Variants in RPTOR observed in about 807,000 individuals in gnomAD.
The protein encoded by RPTOR is regulatory-associated protein of mTOR.
RPTOR carries 21 observed loss-of-function variants against 169.9 expected under a neutral mutation model. That is an observed-to-expected ratio of 0.12 (90% CI 0.09 to 0.18). RPTOR has a LOEUF of 0.18. Among genes scored for constraint, RPTOR ranks in the 10% least tolerant of loss-of-function variants. RPTOR has a pLI of 1.00. For missense variants in RPTOR, 1,133 were observed against 1,855.9 expected (o/e 0.61, Z 7.16); for synonymous variants, 732 against 753.2 (o/e 0.97, Z 0.46).
intron 1 of RPTOR, among the ~76,000 whole-genome samples, chr17:80,604,708 C>T (rs550277659): frequency 2.0e-5 from 3 of 152,296 alleles, no homozygotes; most frequent in Non-Finnish European, 2.9e-5. Context: ...AGCAAAGTCG[C>T]GTCTCACATG....
At chr17:80,673,639 G>A (rs1422824200) in intron 3 of RPTOR, among the ~76,000 whole-genome samples, 2 of 152,190 alleles carry the variant, frequency 1.3e-5, no homozygotes, top group Admixed American at 6.5e-5. Flanking sequence ...GGTAGCCGGC[G>A]CTTTGATTGT....
At chr17:80,725,821 G>T (rs1326740646) in intron 4 of RPTOR, among the ~76,000 whole-genome samples, 2 of 152,168 alleles carry the variant, frequency 1.3e-5, no homozygotes, top group African/African-American at 4.8e-5. Flanking sequence ...ATTCCCTGAG[G>T]GATACAGACT....
chr17:80,849,422 C>G (rs1310364279), intron 11 of RPTOR, among the ~76,000 whole-genome samples: 1 of 152,184 alleles, frequency 6.6e-6, no homozygotes, highest in Non-Finnish European at 1.5e-5. Flanking sequence ...TTTCCAGCCT[C>G]AATATCCTCT....
At chr17:80,862,992 A>C (rs2067937446) in intron 13 of RPTOR, among the ~76,000 whole-genome samples, 1 of 152,194 alleles carries the variant, frequency 6.6e-6, no homozygotes, top group African/African-American at 2.4e-5. Context: ...CGGAAGGGCG[A>C]GCCTGGGACC....
At chr17:80,574,547 A>G (rs1163086994) in intron 1 of RPTOR, among the ~76,000 whole-genome samples, 1 of 152,062 alleles carries the variant, frequency 6.6e-6, no homozygotes, top group African/African-American at 2.4e-5. Flanking sequence ...TTTCAAATTT[A>G]TAGGCATAAA....
chr17:80,846,371 C>T, intron 10 of RPTOR, 102 bp from the exon 11 acceptor site: 1 of 1,164,038 alleles, frequency 8.6e-7, no homozygotes, highest in Non-Finnish European at 1.3e-6. Flanking sequence ...GCAGGGCGGG[C>T]CCTTCGTGAA....
At chr17:80,617,927 G>C (rs1451657697) in intron 1 of RPTOR, among the ~76,000 whole-genome samples, 2 of 152,218 alleles carry the variant, frequency 1.3e-5, no homozygotes, top group East Asian at 3.9e-4. Flanking sequence ...AACCACAAAA[G>C]GATTCAGTAT....
chr17:80,770,540 T>C (rs1160205770), intron 6 of RPTOR, among the ~76,000 whole-genome samples: 1 of 152,124 alleles, frequency 6.6e-6, no homozygotes, highest in Admixed American at 6.5e-5. Flanking sequence ...GCGGTGGCTG[T>C]CGGATGGACA....
At chr17:80,868,407 G>A (rs965496865) in intron 13 of RPTOR, among the ~76,000 whole-genome samples, 1 of 152,100 alleles carries the variant, frequency 6.6e-6, no homozygotes, top group African/African-American at 2.4e-5. Context: ...GTAGATGCCA[G>A]AAATGCAAAC....
chr17:80,769,893 G>A (rs1294365553), intron 6 of RPTOR, among the ~76,000 whole-genome samples: 1 of 151,530 alleles, frequency 6.6e-6, no homozygotes, highest in African/African-American at 2.4e-5. Context: ...TGTTGGCAGT[G>A]CCTTCTTTGT....
intron 3 of RPTOR, among the ~76,000 whole-genome samples, chr17:80,703,708 G>T (rs2066120384): frequency 6.6e-6 from 1 of 152,320 alleles, no homozygotes; most frequent in African/African-American, 2.4e-5. Flanking sequence ...CAGTACTGCC[G>T]GAGGAGCCTC....
At chr17:80,905,202 TTTTTG>T (rs2068525717) in intron 20 of RPTOR, among the ~76,000 whole-genome samples, 2 of 152,182 alleles carry the variant, frequency 1.3e-5, no homozygotes, top group Non-Finnish European at 2.9e-5. Context: ...TGTGTATTAC[TTTTTG>T]TTTTGTTTTC....
rs2066151273 is a variant in RPTOR at position 80,707,568 on chromosome 17, T to TA, written c.349-271dup. Among the ~76,000 whole-genome samples the TA allele has an allele frequency of 6.6e-6, 1 of 151,842 alleles. No individual in the cohort carries two copies. Among genetic ancestry groups the TA allele is most frequent in the South Asian group, 2.1e-4 (1 of 4,788 alleles). ...ACACCTGGCTAATTTTTTTTTTTTT[T>TA]AATTGTAGAGATGGGGTCTCATTCT... On this transcript the variant is annotated intron_variant, in intron 3 of 33. Transcript: ENST00000306801. The surrounding 1 kb of genome is among the most constrained non-coding windows in gnomAD (Gnocchi z 5.0).
intron 1 of RPTOR, among the ~76,000 whole-genome samples, chr17:80,590,726 T>G (rs575289814): frequency 6.6e-6 from 1 of 152,398 alleles, no homozygotes; most frequent in South Asian, 2.1e-4. Context: ...GGGTTTGGTT[T>G]AATATTTTTG....
chr17:80,879,759 C>T (rs114281144), intron 13 of RPTOR, among the ~76,000 whole-genome samples: 1 of 152,272 alleles, frequency 6.6e-6, no homozygotes, highest in African/African-American at 2.4e-5. Flanking sequence ...ACGACTGAGG[C>T]GAGTCATGGC....
rs547946658 is a variant in RPTOR, at chr17:80,824,560, A to G, written c.1136+1337A>G. Reference sequence around the variant, plus strand: ...CTTAAATCCTGTCTCTATTTCCTCTAAGACAGGTTATTGTAATACATTTAT... The same window carrying G: ...CTTAAATCCTGTCTCTATTTCCTCTGAGACAGGTTATTGTAATACATTTAT... On this transcript the variant is annotated intron_variant, in intron 9 of 33. Transcript: ENST00000306801. Among the ~76,000 whole-genome samples, 170 of 152,324 alleles carry G rather than the reference A, an allele frequency of 1.1e-3. 1 individual carries two copies. Among genetic ancestry groups the G allele is most frequent in the African/African-American group, 3.6e-3 (151 of 41,570 alleles).
At chr17:80,933,222 T>C (rs1044855542) in intron 24 of RPTOR, among the ~76,000 whole-genome samples, 1 of 152,202 alleles carries the variant, frequency 6.6e-6, no homozygotes, top group African/African-American at 2.4e-5. Flanking sequence ...ATCCTGAATA[T>C]TGAAAATCAT....
chr17:80,828,252 A>G (rs989631107), intron 9 of RPTOR, among the ~76,000 whole-genome samples: 4 of 151,920 alleles, frequency 2.6e-5, no homozygotes, highest in Non-Finnish European at 4.4e-5. Context: ...TGCTGTAGTC[A>G]TGCTCCTGGG....
At chr17:80,712,319 A>T (rs2066201467) in intron 4 of RPTOR, among the ~76,000 whole-genome samples, 1 of 152,204 alleles carries the variant, frequency 6.6e-6, no homozygotes, top group Non-Finnish European at 1.5e-5. Flanking sequence ...TTAGGTTGCC[A>T]CACAGAGTAG....
Sources: allele counts gnomAD v4.1 joint callset (sites outside exome capture counted in the v4.1 genomes callset), GRCh38; gene constraint gnomAD v4.1.1; non-coding constraint Gnocchi (gnomAD v3.1); transcripts MANE v1.5; gene names NCBI Gene and HGNC (gene_info 2026-07-23, HGNC 2026-07-21).